The following DNAJC13 variants were observed in gnomAD, a reference collection of about 807,000 sequenced individuals.
The protein encoded by DNAJC13 is dnaJ homolog subfamily C member 13.
In DNAJC13, 75 loss-of-function variants were observed where a neutral mutation model predicts 290.5. The ratio of observed to expected loss-of-function variants is 0.26; its 90% confidence interval spans 0.21 to 0.31. The LOEUF (loss-of-function observed/expected upper bound fraction) is 0.31, where lower values mean the gene tolerates loss of function less well. Ranked by LOEUF, DNAJC13 falls within the 10% of genes least tolerant of loss-of-function variation. DNAJC13 has a pLI of 1.00. For synonymous variants in DNAJC13, 862 were observed against 892.0 expected (o/e 0.97, Z 0.60); for missense variants, 2,260 against 2,674.5 (o/e 0.85, Z 3.42).
chr3:132,469,994 A>G (rs866510353), intron 20 of DNAJC13, among the ~76,000 whole-genome samples: 1 of 37,116 alleles, frequency 2.7e-5, no homozygotes, highest in Non-Finnish European at 5.2e-5. Flanking sequence ...TTTTTTTTTA[A>G]TTTATTTTTT....
intron 54 of DNAJC13, among the ~76,000 whole-genome samples, chr3:132,529,849 G>A (rs1033330292): frequency 2.0e-5 from 3 of 151,358 alleles, no homozygotes; most frequent in East Asian, 1.9e-4. Flanking sequence ...TATTAAAGAA[G>A]AGACTGCAGT....
chr3:132,426,483 G>A (rs1939092185), intron 1 of DNAJC13, among the ~76,000 whole-genome samples: 2 of 152,166 alleles, frequency 1.3e-5, no homozygotes, highest in Non-Finnish European at 2.9e-5. Context: ...CTGGCAGAAT[G>A]GCAAATGCTA....
chr3:132,516,666 A>G (rs764846410), intron 47 of DNAJC13, 38 bp from the exon 48 acceptor site: 1 of 1,573,876 alleles, frequency 6.4e-7, no homozygotes, highest in Non-Finnish European at 8.6e-7. Flanking sequence ...AGAAAAGTCA[A>G]ATTCTTTATA....
chr3:132,471,684 T>G (rs373245793), intron 20 of DNAJC13, among the ~76,000 whole-genome samples: 1 of 95,976 alleles, frequency 1.0e-5, no homozygotes, highest in Non-Finnish European at 2.1e-5. Flanking sequence ...TTCCTAGATG[T>G]GATGGCGGCT....
At chr3:132,473,059 T>G (rs529682623) in intron 20 of DNAJC13, 86 bp from the exon 21 acceptor site, 1 of 842,908 alleles carries the variant, frequency 1.2e-6, no homozygotes, top group Admixed American at 2.7e-5. Flanking sequence ...AAGAAATGTT[T>G]CTCATCACGT....
At chr3:132,427,609 A>G (rs971776941) in intron 1 of DNAJC13, among the ~76,000 whole-genome samples, 5 of 152,196 alleles carry the variant, frequency 3.3e-5, no homozygotes, top group African/African-American at 1.2e-4. Flanking sequence ...GATTAAATCA[A>G]TAGAACACTG....
chr3:132,473,657 C>T (rs1378510962), intron 21 of DNAJC13, among the ~76,000 whole-genome samples: 1 of 151,994 alleles, frequency 6.6e-6, no homozygotes, highest in Non-Finnish European at 1.5e-5. Context: ...CTACCAATCT[C>T]ACCCTTACCC....
rs776320362 is a variant in DNAJC13, at chr3:132,494,163, C to T, written c.3845C>T (p.Thr1282Ile). 1.9e-6 allele frequency: 3 copies of T among 1,610,990 alleles called. No individual in the cohort carries two copies. Among genetic ancestry groups the T allele is most frequent in the Admixed American group, 1.7e-5 (1 of 59,528 alleles). ...IKDPVKLLKD[T>I]LDAWKKEVEK... ...TTTAAGGTTAAGCTTCTAAAAGATA[C>T]CCTTGATGCCTGGAAGAAAGAAGTA... Residue 1282 changes from threonine to isoleucine, a missense_variant, in exon 34 of 56, where the codon ACC becomes ATC. By Grantham distance (89) the Thr-to-Ile change is moderately conservative (BLOSUM62 -1). Coordinates refer to ENST00000260818, the MANE Select transcript of DNAJC13 (RefSeq NM_015268.4).
At chr3:132,484,316 C>T (rs1382660911) in intron 28 of DNAJC13, 1 of 498,000 alleles carries the variant, frequency 2.0e-6, no homozygotes, top group African/African-American at 2.0e-5. Context: ...TGAACAACAC[C>T]AAGTTTAATC....
At chr3:132,438,580 A>G (rs948146196) in intron 2 of DNAJC13, among the ~76,000 whole-genome samples, 1 of 152,182 alleles carries the variant, frequency 6.6e-6, no homozygotes, top group East Asian at 1.9e-4. Flanking sequence ...GCATTTCAGA[A>G]AGATTTTATT....
Position 132,475,158 on chromosome 3 carries a change from A to T in DNAJC13, c.2445+73A>T, listed in dbSNP as rs545343446. The T allele has an allele frequency of 1.1e-4, 138 of 1,213,090 alleles. 1 individual carries two copies. The highest frequency in any genetic ancestry group is 7.1e-4 in the East Asian group (27 of 38,014). The allele number at this position is 1,213,090 out of a possible 1,614,324, so 75.1% of individuals were successfully genotyped here. Reference sequence around the variant, plus strand: ...TACTATTTGGGGAGTGATTTTTTTTAAAAAAATTTGTAATTACATATCTGG... The same window carrying T: ...TACTATTTGGGGAGTGATTTTTTTTTAAAAAATTTGTAATTACATATCTGG... On this transcript the variant is annotated intron_variant, in intron 22 of 55. Transcript: ENST00000260818.
chr3:132,511,277 G>C, intron 44 of DNAJC13, 33 bp downstream of exon 44: 2 of 1,601,596 alleles, frequency 1.2e-6, no homozygotes, highest in Non-Finnish European at 8.5e-7. Context: ...AATAAGACTC[G>C]TATAATACAG....
rs189321343 is a variant in DNAJC13, at chr3:132,425,070, A to G, written c.-14+7310A>G. Among the ~76,000 whole-genome samples the G allele has an allele frequency of 4.6e-5, 7 of 152,272 alleles. No homozygotes were observed. In the East Asian group the frequency reaches 5.8e-4, roughly 13 times the overall value. On this transcript the variant is annotated intron_variant, in intron 1 of 55. Coordinates refer to ENST00000260818, the MANE Select transcript of DNAJC13 (RefSeq NM_015268.4). ...ATTTTTTACCATTTGTTTGAAACCA[A>G]ACTAATCTAGTGCTATGATTTACTC...
chr3:132,464,282 C>T (rs538578502), intron 17 of DNAJC13, among the ~76,000 whole-genome samples: 78 of 152,260 alleles, frequency 5.1e-4, no homozygotes, highest in African/African-American at 1.4e-3. Context: ...ACCTAAATCT[C>T]TTGTAATTAA....
intron 21 of DNAJC13, chr3:132,474,275 C>T (rs62292946): frequency 0.12 from 19,017 of 152,266 alleles, 1,551 homozygotes; most frequent in South Asian, 0.26. Flanking sequence ...GAGTCTCACC[C>T]TGTCGCCCAG....
intron 2 of DNAJC13, among the ~76,000 whole-genome samples, chr3:132,442,778 A>T (rs1933113044): frequency 6.6e-6 from 1 of 152,210 alleles, no homozygotes; most frequent in South Asian, 2.1e-4. Flanking sequence ...GCATTTAATG[A>T]TGTAAGTTTA....
At chr3:132,426,213 G>T (rs914040367) in intron 1 of DNAJC13, among the ~76,000 whole-genome samples, 9 of 152,120 alleles carry the variant, frequency 5.9e-5, no homozygotes, top group Admixed American at 2.6e-4. Flanking sequence ...TCTATAAAAA[G>T]AACAAACAGA....
chr3:132,536,177 T>C (rs1484972135), intron 55 of DNAJC13, among the ~76,000 whole-genome samples: 2 of 152,226 alleles, frequency 1.3e-5, no homozygotes, highest in Non-Finnish European at 2.9e-5. Context: ...GTTGTTTGTA[T>C]GGTGGTCAGC....
At chr3:132,532,943 G>C (rs1231165135) in intron 55 of DNAJC13, among the ~76,000 whole-genome samples, 2 of 71,476 alleles carry the variant, frequency 2.8e-5, no homozygotes, top group African/African-American at 2.0e-4. Flanking sequence ...TATTTTAGTA[G>C]AGACGGAATT....
Sources: allele counts gnomAD v4.1 joint callset (sites outside exome capture counted in the v4.1 genomes callset), GRCh38; gene constraint gnomAD v4.1.1; transcripts MANE v1.5; gene names NCBI Gene and HGNC (gene_info 2026-07-23, HGNC 2026-07-21).